PDE11A: variants seen among roughly 807,000 people sequenced by gnomAD.
PDE11A encodes the protein phosphodiesterase 11A.
PDE11A carries 100 observed loss-of-function variants against 100.5 expected under a neutral mutation model. The observed-to-expected ratio is 1.00, with a 90% confidence interval of 0.85 to 1.18. The LOEUF (loss-of-function observed/expected upper bound fraction) is 1.18, where lower values mean the gene tolerates loss of function less well. Among genes scored for constraint, PDE11A ranks in the 50% most tolerant of loss-of-function variants. PDE11A has a pLI of 0.00. For missense variants in PDE11A, 1,141 were observed against 1,152.6 expected (o/e 0.99, Z 0.15); for synonymous variants, 381 against 420.8 (o/e 0.91, Z 1.16).
chr2:177,916,692 C>T (rs2105748561), intron 2 of PDE11A, among the ~76,000 whole-genome samples: 1 of 152,204 alleles, frequency 6.6e-6, no homozygotes, highest in East Asian at 1.9e-4. Flanking sequence ...GGCTTCACAT[C>T]ACCAGGTGCC....
In PDE11A at chr2:177,810,516, A is replaced by G. The variant is rs78224471; in HGVS notation, c.1737+6313T>C. ...TGGGAACATTTTGAGTGGATATGGCATAATTGAAACAGAGAATGACAAAAG... is the reference window on the plus strand; with the variant it reads ...TGGGAACATTTTGAGTGGATATGGCGTAATTGAAACAGAGAATGACAAAAG... On this transcript the variant is annotated intron_variant, in intron 9 of 19. Coordinates refer to ENST00000286063, the MANE Select transcript of PDE11A (RefSeq NM_016953.4). Among the ~76,000 whole-genome samples, 3 of 152,304 alleles carry G rather than the reference A, an allele frequency of 2.0e-5. No individual in the cohort carries two copies. The East Asian group carries it at 5.8e-4, about 29-fold the overall frequency.
At chr2:178,096,476 G>A (rs551010463) in intron 2 of PDE11A, among the ~76,000 whole-genome samples, 4 of 151,816 alleles carry the variant, frequency 2.6e-5, no homozygotes, top group Middle Eastern at 3.4e-3. Flanking sequence ...CCTGGCCCAC[G>A]TTTTTCTTTT....
chr2:177,942,694 C>A (rs2085359327), intron 2 of PDE11A, among the ~76,000 whole-genome samples: 1 of 152,122 alleles, frequency 6.6e-6, no homozygotes, highest in Non-Finnish European at 1.5e-5. Flanking sequence ...TGAGCCACCG[C>A]ACCCGGCTAA....
intron 12 of PDE11A, among the ~76,000 whole-genome samples, chr2:177,725,907 C>A (rs1489538585): frequency 1.3e-5 from 2 of 152,152 alleles, no homozygotes; most frequent in Non-Finnish European, 2.9e-5. Flanking sequence ...CTTTTTCCTT[C>A]ATTGAACAGG....
intron 10 of PDE11A, among the ~76,000 whole-genome samples, chr2:177,736,152 C>T (rs901758774): frequency 6.6e-6 from 1 of 151,848 alleles, no homozygotes; most frequent in Non-Finnish European, 1.5e-5. Context: ...TTTGAAAGAA[C>T]CAGGGAAAAA....
At position 178,018,154 on chromosome 2, in the gene PDE11A, C is replaced by T. The variant is rs555293294; in HGVS notation, c.913-3694G>A. The T allele has an allele frequency of 9.9e-5, 29 of 293,068 alleles. No individual in the cohort carries two copies. In the East Asian group the frequency reaches 2.1e-3, roughly 21 times the overall value. 18.2% of individuals were successfully genotyped at this position (293,068 alleles called of 1,614,324 possible). The stretch of plus-strand genomic sequence containing the variant: ...ACAGCATGTTCACCTGCCACCCAGC[C>T]GCCATTCTGTTTCCAAGGCTGCGTC... On this transcript the variant is annotated intron_variant, in intron 1 of 19. Coordinates refer to ENST00000286063, the MANE Select transcript of PDE11A (RefSeq NM_016953.4).
At chr2:177,841,600 G>A (rs1193776324) in intron 5 of PDE11A, among the ~76,000 whole-genome samples, 1 of 152,224 alleles carries the variant, frequency 6.6e-6, no homozygotes, top group Non-Finnish European at 1.5e-5. Context: ...TTGGATGCAT[G>A]AGTGAGTGGG....
intron 6 of PDE11A, among the ~76,000 whole-genome samples, chr2:177,829,023 T>C (rs1462112300): frequency 8.8e-6 from 1 of 113,832 alleles, no homozygotes; most frequent in East Asian, 2.5e-4. Context: ...TGGTAGCAGC[T>C]GAGTGGTAAG....
chr2:177,638,595 G>T (rs1403595000), intron 19 of PDE11A, among the ~76,000 whole-genome samples: 1 of 151,146 alleles, frequency 6.6e-6, no homozygotes, highest in African/African-American at 2.4e-5. Context: ...GTTGGGTGAT[G>T]GATTTTTTTT....
At chr2:178,057,101 G>A (rs1445298136) in intron 1 of PDE11A, among the ~76,000 whole-genome samples, 3 of 152,180 alleles carry the variant, frequency 2.0e-5, no homozygotes, top group Non-Finnish European at 2.9e-5. Context: ...AAGCATGATA[G>A]ATAAATGCAT....
chr2:177,859,389 T>A (rs1218505639), intron 5 of PDE11A, among the ~76,000 whole-genome samples: 1 of 151,628 alleles, frequency 6.6e-6, no homozygotes, highest in African/African-American at 2.4e-5. Context: ...ATCTATACAA[T>A]AAAATATTAT....
intron 1 of PDE11A, among the ~76,000 whole-genome samples, chr2:178,063,188 A>C (rs1224149909): frequency 1.3e-5 from 2 of 152,226 alleles, no homozygotes; most frequent in African/African-American, 4.8e-5. Flanking sequence ...TTGTAACAAG[A>C]AATTTAACAT....
intron 9 of PDE11A, among the ~76,000 whole-genome samples, chr2:177,813,106 C>G (rs2082975261): frequency 6.6e-6 from 1 of 152,208 alleles, no homozygotes; most frequent in African/African-American, 2.4e-5. Flanking sequence ...CAATGCAGAA[C>G]TCTTGGGGCT....
chr2:177,812,425 C>A (rs913785046), intron 9 of PDE11A, among the ~76,000 whole-genome samples: 1 of 152,064 alleles, frequency 6.6e-6, no homozygotes, highest in Non-Finnish European at 1.5e-5. Flanking sequence ...GGGACACTGA[C>A]ACAAAGCAAG....
At chr2:178,104,411 T>C (rs754198442) in exon 2 of PDE11A, 2 of 1,614,054 alleles carry the variant, frequency 1.2e-6, no homozygotes, top group Admixed American at 1.7e-5. Context: ...CTTTTTCCAC[T>C]GTGTGGCACT....
intron 2 of PDE11A, among the ~76,000 whole-genome samples, chr2:177,924,720 TA>T (rs2085102332): frequency 6.7e-6 from 1 of 149,998 alleles, no homozygotes; most frequent in Admixed American, 6.6e-5. Flanking sequence ...TGCCGGCTGT[TA>T]AGCTTTCTTT....
chr2:178,015,933 C>A (rs1426121860), intron 1 of PDE11A, among the ~76,000 whole-genome samples: 1 of 152,054 alleles, frequency 6.6e-6, no homozygotes, highest in Non-Finnish European at 1.5e-5. Flanking sequence ...CTTCTGCACA[C>A]CCCTGTTAAA....
intron 2 of PDE11A, among the ~76,000 whole-genome samples, chr2:177,935,826 A>G (rs1212783279): frequency 6.6e-6 from 1 of 152,202 alleles, no homozygotes; most frequent in African/African-American, 2.4e-5. Flanking sequence ...AAAAGGGAGT[A>G]ATAGGGATCT....
At chr2:177,649,300 T>C (rs1241096136) in intron 19 of PDE11A, among the ~76,000 whole-genome samples, 1 of 152,184 alleles carries the variant, frequency 6.6e-6, no homozygotes, top group African/African-American at 2.4e-5. Context: ...ATGAAAATTG[T>C]GTATTTACAA....
Sources: allele counts gnomAD v4.1 joint callset (sites outside exome capture counted in the v4.1 genomes callset), GRCh38; gene constraint gnomAD v4.1.1; transcripts MANE v1.5; gene names NCBI Gene and HGNC (gene_info 2026-07-23, HGNC 2026-07-21).